ALDH1L1: variants seen among roughly 807,000 people sequenced by gnomAD.
The protein encoded by ALDH1L1 is cytosolic 10-formyltetrahydrofolate dehydrogenase.
In ALDH1L1, 68 loss-of-function variants were observed where a neutral mutation model predicts 101.1. The ratio of observed to expected loss-of-function variants is 0.67; its 90% CI spans 0.55 to 0.82. The LOEUF is 0.82. ALDH1L1 is among the 40% of genes least tolerant of loss of function. The probability of loss-of-function intolerance (pLI) is 0.00; values close to 1 mark genes in which losing one functional copy is unlikely to be tolerated. For missense variants in ALDH1L1, 1,087 were observed against 1,172.7 expected (o/e 0.93, Z 1.07); for synonymous variants, 486 against 470.8 (o/e 1.03, Z -0.42).
chr3:126,182,444 C>T (rs987915694), upstream of ALDH1L1, among the ~76,000 whole-genome samples: 1 of 152,218 alleles, frequency 6.6e-6, no homozygotes, highest in African/African-American at 2.4e-5. Context: ...TGAGCCACTG[C>T]ACCCTGCCTT....
intron 1 of ALDH1L1, among the ~76,000 whole-genome samples, chr3:126,161,303 G>A (rs2081045010): frequency 6.6e-6 from 1 of 152,242 alleles, no homozygotes. Flanking sequence ...ATGGAATGTT[G>A]GGTGTCAAGA....
At chr3:126,158,283 A>G in intron 3 of ALDH1L1, 122 bp downstream of exon 3, 1 of 919,824 alleles carries the variant, frequency 1.1e-6, no homozygotes, top group Non-Finnish European at 1.6e-6. Flanking sequence ...GCCACAGGAC[A>G]GGCACCTGCA....
chr3:126,111,002 C>A (rs1413209272), intron 19 of ALDH1L1, among the ~76,000 whole-genome samples: 25 of 152,232 alleles, frequency 1.6e-4, no homozygotes. Flanking sequence ...GACCCCCAGA[C>A]AGGACCTTGT....
chr3:126,131,549 G>A lies in ALDH1L1; in HGVS notation c.1473-15C>T. ...GATCTGCCAACCTGACCAGGGTGAG[G>A]GGAAGCGGGAGGTGGGCTCAGGCCT... On this transcript the variant is annotated splice_polypyrimidine_tract_variant and intron_variant, in intron 12 of 22. Coordinates refer to ENST00000393434, the MANE Select transcript of ALDH1L1 (RefSeq NM_012190.4). 1 of 1,596,358 alleles carries A rather than the reference G, an allele frequency of 6.3e-7. No individual in the cohort carries two copies.
chr3:126,124,473 G>A, intron 15 of ALDH1L1, 22 bp from the exon 16 acceptor site: 1 of 1,603,308 alleles, frequency 6.2e-7, no homozygotes, highest in Non-Finnish European at 8.5e-7. Context: ...GCCAGGAAAG[G>A]AGACTGGGTA....
intron 17 of ALDH1L1, among the ~76,000 whole-genome samples, chr3:126,116,660 C>T (rs986754235): frequency 1.3e-5 from 2 of 152,228 alleles, no homozygotes; most frequent in African/African-American, 4.8e-5. Flanking sequence ...ACCCACGTCA[C>T]TCAAAGTGCA....
chr3:126,126,805 G>A (rs1043293898), intron 14 of ALDH1L1, among the ~76,000 whole-genome samples: 2 of 152,230 alleles, frequency 1.3e-5, no homozygotes, highest in African/African-American at 4.8e-5. Flanking sequence ...CTTGCTTGGA[G>A]ACCAGATTGC....
rs766782384 is a variant in ALDH1L1, at chr3:126,150,550, C to A, written c.859-19G>T. 6.7e-7 allele frequency: 1 copy of A among 1,498,964 alleles called. No individual in the cohort carries two copies. The highest frequency in any genetic ancestry group is 1.2e-5 in the South Asian group (1 of 82,104). The allele number at this position is 1,498,964 out of a possible 1,614,324, so 92.9% of individuals were successfully genotyped here. ...CCAGCAGCTGCAAAAGGAAGGATTT[C>A]TTTTCTTTTCTTTTCTTTTTTTGAG... On this transcript the variant is annotated intron_variant, in intron 7 of 22. Coordinates refer to ENST00000393434, the MANE Select transcript of ALDH1L1 (RefSeq NM_012190.4).
chr3:126,115,316 C>T (rs1043828701), intron 17 of ALDH1L1: 1 of 322,188 alleles, frequency 3.1e-6, no homozygotes, highest in Admixed American at 4.5e-5. Context: ...AGTCAATAGC[C>T]GGCAGGTAGG....
intron 18 of ALDH1L1, 106 bp from the exon 19 acceptor site, chr3:126,112,986 A>G (rs2108188386): frequency 1.1e-6 from 1 of 929,646 alleles, no homozygotes; most frequent in Non-Finnish European, 1.7e-6. Flanking sequence ...GGAGGCACCC[A>G]TGTGTCCTGA....
At chr3:126,128,936 T>TGCCCA (rs59650013) in intron 14 of ALDH1L1, 94,144 of 149,214 alleles carry the variant, frequency 0.63, 29,789 homozygotes, top group Middle Eastern at 0.71. Flanking sequence ...CGCCCTGCCC[T>TGCCCA]GCCCAGCCCA....
At chr3:126,127,501 T>C (rs2080213799) in intron 14 of ALDH1L1, among the ~76,000 whole-genome samples, 1 of 151,824 alleles carries the variant, frequency 6.6e-6, no homozygotes, top group African/African-American at 2.4e-5. Context: ...GAGGGTGGAG[T>C]TCCTTCTCTC....
At chr3:126,106,059 G>A (rs1241346153) in intron 21 of ALDH1L1, 134 bp from the exon 22 acceptor site, 68 of 919,088 alleles carry the variant, frequency 7.4e-5, no homozygotes, top group African/African-American at 1.0e-4. Context: ...CTGCAGCGCC[G>A]GGGGCAAGAT....
At chr3:126,186,837 G>A (rs78246958) in intron 1 of ALDH1L1, among the ~76,000 whole-genome samples, 1 of 152,314 alleles carries the variant, frequency 6.6e-6, no homozygotes, top group East Asian at 1.9e-4. Flanking sequence ...GTTGCTCAGT[G>A]GAGGGAGCTC....
chr3:126,115,699 C>T (rs546703422), intron 17 of ALDH1L1, among the ~76,000 whole-genome samples: 2 of 151,900 alleles, frequency 1.3e-5, no homozygotes, highest in East Asian at 1.9e-4. Flanking sequence ...CTCAGCCTCC[C>T]GAGTAGCTGG....
At chr3:126,133,923 G>A (rs531689499) in intron 12 of ALDH1L1, among the ~76,000 whole-genome samples, 6 of 152,322 alleles carry the variant, frequency 3.9e-5, no homozygotes, top group East Asian at 1.9e-4. Flanking sequence ...AGCTGGATAC[G>A]GCTGCTCCTA....
At chr3:126,148,286 C>T (rs908823627) in intron 8 of ALDH1L1, among the ~76,000 whole-genome samples, 8 of 152,208 alleles carry the variant, frequency 5.3e-5, no homozygotes, top group Non-Finnish European at 8.8e-5. Flanking sequence ...GTCTGGACTA[C>T]AGGGAGAGTC....
chr3:126,151,570 G>A (rs2080807161), intron 7 of ALDH1L1: 1 of 152,090 alleles, frequency 6.6e-6, no homozygotes, highest in Non-Finnish European at 1.5e-5. Context: ...TTTGTTAGGG[G>A]CCAGGAAAAA....
intron 17 of ALDH1L1, among the ~76,000 whole-genome samples, chr3:126,117,269 G>A (rs994532634): frequency 6.7e-5 from 10 of 150,110 alleles, no homozygotes; most frequent in Non-Finnish European, 1.3e-4. Flanking sequence ...AAAGAAGCAG[G>A]TGAAATTAAT....
Sources: gnomAD v4.1 joint callset for allele counts (sites outside exome capture counted in the v4.1 genomes callset) on GRCh38, gnomAD v4.1.1 for gene constraint, MANE v1.5 for transcripts, NCBI Gene and HGNC (gene_info 2026-07-23, HGNC 2026-07-21) for gene names.